The following TENM3 variants were observed in gnomAD, a reference collection of about 807,000 sequenced individuals.
TENM3 encodes the protein teneurin-3.
Under a neutral mutation model 255.1 loss-of-function variants are expected in TENM3, and 63 were observed. That is an observed-to-expected ratio of 0.25 (90% CI 0.20 to 0.30). TENM3 has a LOEUF of 0.30. Among genes scored for constraint, TENM3 ranks in the 10% least tolerant of loss-of-function variants. The pLI is 1.00. For missense variants in TENM3, 2,929 were observed against 3,461.1 expected, an observed-to-expected ratio of 0.85 and a Z score of 3.86; for synonymous variants, 1,306 against 1,322.3, an observed-to-expected ratio of 0.99 and a Z score of 0.27.
the TENM3 span, among the ~76,000 whole-genome samples, chr4:181,896,776 G>C: frequency 6.6e-6 from 1 of 152,160 alleles, no homozygotes. Flanking sequence ...AGCTTACCAG[G>C]CCCTCGGCCA....
the TENM3 span, among the ~76,000 whole-genome samples, chr4:181,703,540 C>T: frequency 6.6e-6 from 1 of 152,228 alleles, no homozygotes; most frequent in South Asian, 2.1e-4. Context: ...CTCCCTCTTC[C>T]CTTTATGACT....
At chr4:182,502,966 T>A (rs1466939392) in intron 3 of TENM3, among the ~76,000 whole-genome samples, 10 of 150,062 alleles carry the variant, frequency 6.7e-5, no homozygotes, top group Non-Finnish European at 1.2e-4. Context: ...TATGTGAATG[T>A]CCTTTATCTG....
chr4:182,685,945 A>G (rs1447925804), intron 11 of TENM3, among the ~76,000 whole-genome samples: 1 of 152,180 alleles, frequency 6.6e-6, no homozygotes, highest in South Asian at 2.1e-4. Context: ...ATACATATAA[A>G]TGTTCATTAA....
the TENM3 span, among the ~76,000 whole-genome samples, chr4:181,851,856 C>T: frequency 6.6e-6 from 1 of 152,068 alleles, no homozygotes; most frequent in African/African-American, 2.4e-5. Flanking sequence ...ATACAGCGAC[C>T]ACTGCGACAT....
chr4:182,045,619 GA>G, the TENM3 span, among the ~76,000 whole-genome samples: 6 of 152,100 alleles, frequency 3.9e-5, no homozygotes, highest in Admixed American at 2.0e-4. Flanking sequence ...CAAGGATAGT[GA>G]AAAAATGGCA....
At chr4:181,515,504 T>C in the TENM3 span, among the ~76,000 whole-genome samples, 152 of 152,170 alleles carry the variant, frequency 1.0e-3, no homozygotes, top group African/African-American at 3.6e-3. Context: ...TTCTGCTTGC[T>C]GCCTATATGT....
At chr4:182,158,891 T>C (rs576559164) in intron 1 of TENM3, among the ~76,000 whole-genome samples, 10 of 152,294 alleles carry the variant, frequency 6.6e-5, no homozygotes, top group African/African-American at 2.4e-4. Flanking sequence ...ATGTGATACA[T>C]TGGAATAAGT....
intron 1 of TENM3, among the ~76,000 whole-genome samples, chr4:182,272,256 C>T (rs1424809848): frequency 2.0e-5 from 3 of 152,200 alleles, no homozygotes; most frequent in Non-Finnish European, 4.4e-5. Flanking sequence ...CACTGTAATT[C>T]AGCCAAGAAT....
chr4:182,358,036 G>A lies in TENM3; in HGVS notation c.511+11107G>A, dbSNP rs1189794747. 5.4e-5 allele frequency among the ~76,000 whole-genome samples: 8 copies of A among 149,514 alleles called. No homozygotes were observed. In the South Asian group the frequency reaches 8.4e-4, roughly 16 times the overall value. ...AAAGATCAGATAGTTGTAGATATGC[G>A]GCGTTATTTCTGAGGGCTCTGTTCT... On this transcript the variant is annotated intron_variant, in intron 3 of 27. Coordinates refer to ENST00000511685, the MANE Select transcript of TENM3 (RefSeq NM_001080477.4).
At chr4:182,759,701 C>G (rs1762989279) in intron 22 of TENM3, among the ~76,000 whole-genome samples, 1 of 152,266 alleles carries the variant, frequency 6.6e-6, no homozygotes, top group African/African-American at 2.4e-5. Flanking sequence ...TATCTGGTAT[C>G]AGGAAGAATT....
the TENM3 span, among the ~76,000 whole-genome samples, chr4:181,630,842 C>T: frequency 5.9e-5 from 9 of 152,076 alleles, 1 homozygote; most frequent in South Asian, 8.3e-4. Context: ...GTTCTGTAGA[C>T]GTCTATTAGG....
At chr4:181,661,318 G>T in the TENM3 span, among the ~76,000 whole-genome samples, 1 of 152,098 alleles carries the variant, frequency 6.6e-6, no homozygotes, top group Non-Finnish European at 1.5e-5. Flanking sequence ...CATTCAAGTG[G>T]CTAGTGGACC....
intron 3 of TENM3, among the ~76,000 whole-genome samples, chr4:182,593,494 A>G (rs1746877216): frequency 1.3e-5 from 2 of 152,038 alleles, no homozygotes; most frequent in Non-Finnish European, 2.9e-5. Context: ...AACTACTCGT[A>G]TTCTGAAGCA....
the TENM3 span, among the ~76,000 whole-genome samples, chr4:181,891,305 T>G: frequency 1.3e-5 from 2 of 152,156 alleles, no homozygotes; most frequent in Admixed American, 1.3e-4. Context: ...AACCTTGTCA[T>G]CTTAAGAAAC....
intron 3 of TENM3, among the ~76,000 whole-genome samples, chr4:182,496,468 A>T (rs1418987897): frequency 6.6e-6 from 1 of 152,052 alleles, no homozygotes; most frequent in Non-Finnish European, 1.5e-5. Context: ...TAATTAGTTG[A>T]TGTGTGTGTC....
chr4:182,688,144 G>T (rs1310027312), intron 11 of TENM3, 22 bp from the exon 12 acceptor site: 1 of 1,560,888 alleles, frequency 6.4e-7, no homozygotes, highest in Non-Finnish European at 8.7e-7. Flanking sequence ...CTCCTGTTTT[G>T]TGTCCTCTTC....
At chr4:182,364,177 T>C (rs1248833144) in intron 3 of TENM3, among the ~76,000 whole-genome samples, 2 of 151,984 alleles carry the variant, frequency 1.3e-5, no homozygotes, top group African/African-American at 4.8e-5. Flanking sequence ...ACAGATGTGA[T>C]AAAAGTGGAA....
At chr4:182,331,682 A>T (rs1251200050) in intron 2 of TENM3, among the ~76,000 whole-genome samples, 1 of 152,258 alleles carries the variant, frequency 6.6e-6, no homozygotes, top group African/African-American at 2.4e-5. Context: ...TTAGGTGAAT[A>T]CAAACAAAAA....
At chr4:182,502,949 A>G (rs1736468044) in intron 3 of TENM3, among the ~76,000 whole-genome samples, 1 of 99,094 alleles carries the variant, frequency 1.0e-5, no homozygotes, top group African/African-American at 4.2e-5. Context: ...TTACCTGCAT[A>G]TGTCTGTATG....
Sources: gnomAD v4.1 joint callset for allele counts (sites outside exome capture counted in the v4.1 genomes callset) on GRCh38, gnomAD v4.1.1 for gene constraint, MANE v1.5 for transcripts, NCBI Gene and HGNC (gene_info 2026-07-23, HGNC 2026-07-21) for gene names.